The following WDFY4 variants were observed in gnomAD, a reference collection of about 807,000 sequenced individuals.
WDFY4 encodes the protein WD repeat- and FYVE domain-containing protein 4.
WDFY4 carries 169 observed loss-of-function variants against 351.9 expected under a neutral mutation model. That is an observed-to-expected ratio of 0.48 (90% CI 0.42 to 0.55). The LOEUF (loss-of-function observed/expected upper bound fraction) is 0.55, where lower values mean the gene tolerates loss of function less well. WDFY4 is among the 20% of genes least tolerant of loss of function. The probability of loss-of-function intolerance (pLI) is 0.00; values close to 1 mark genes in which losing one functional copy is unlikely to be tolerated. For synonymous variants in WDFY4, 1,622 were observed against 1,574.6 expected, an observed-to-expected ratio of 1.03 and a Z score of -0.71; for missense variants, 3,803 against 3,935.6, an observed-to-expected ratio of 0.97 and a Z score of 0.90.
At chr10:48,947,025 CCTGT>C in intron 51 of WDFY4, 56 bp downstream of exon 51, 4 of 1,303,248 alleles carry the variant, frequency 3.1e-6, no homozygotes, top group Admixed American at 2.0e-5. Context: ...CACACATACG[CCTGT>C]ATCACAAGAC....
At chr10:48,966,786 C>T in intron 55 of WDFY4, 113 bp downstream of exon 55, 5 of 1,353,620 alleles carry the variant, frequency 3.7e-6, no homozygotes, top group Non-Finnish European at 4.9e-6. Flanking sequence ...TGGGGACTGA[C>T]TTTGAATGGC....
intron 39 of WDFY4, among the ~76,000 whole-genome samples, chr10:48,839,744 G>A (rs116765032): frequency 0.011 from 1,622 of 152,346 alleles, 28 homozygotes; most frequent in African/African-American, 0.037. Context: ...TATTCAGTGG[G>A]AGGAAAAGTC....
chr10:48,755,946 A>T (rs1308685286), intron 12 of WDFY4, among the ~76,000 whole-genome samples: 2 of 151,930 alleles, frequency 1.3e-5, no homozygotes, highest in African/African-American at 2.4e-5. Flanking sequence ...CAGTTTTTTT[A>T]TACTGTGTTT....
chr10:48,719,721 C>G (rs150820087), intron 2 of WDFY4, among the ~76,000 whole-genome samples: 1 of 152,128 alleles, frequency 6.6e-6, no homozygotes, highest in African/African-American at 2.4e-5. Context: ...GGCCATCCAC[C>G]GACGCCAGAT....
chr10:48,688,765 A>G (rs2063121010), intron 1 of WDFY4, among the ~76,000 whole-genome samples: 1 of 152,192 alleles, frequency 6.6e-6, no homozygotes, highest in Non-Finnish European at 1.5e-5. Context: ...AATAGTTGAG[A>G]TAATGACAGG....
At chr10:48,834,153 G>A (rs1042790166) in intron 39 of WDFY4, among the ~76,000 whole-genome samples, 5 of 152,288 alleles carry the variant, frequency 3.3e-5, no homozygotes, top group African/African-American at 1.2e-4. Flanking sequence ...TGTTCAATAA[G>A]TTCATTGATA....
At chr10:48,695,920 T>A (rs1260892663) in intron 1 of WDFY4, among the ~76,000 whole-genome samples, 2 of 152,094 alleles carry the variant, frequency 1.3e-5, no homozygotes. Flanking sequence ...CCGTTGCTGT[T>A]GCAAAAACCA....
chr10:48,757,207 G>A (rs1207569942), intron 12 of WDFY4, among the ~76,000 whole-genome samples: 2 of 152,220 alleles, frequency 1.3e-5, no homozygotes, highest in East Asian at 1.9e-4. Context: ...GACTTTGAAG[G>A]AACAATTACT....
chr10:48,747,484 T>C (rs2065049785), intron 12 of WDFY4, among the ~76,000 whole-genome samples: 1 of 152,186 alleles, frequency 6.6e-6, no homozygotes, highest in Admixed American at 6.5e-5. Context: ...ATTAGATGTA[T>C]GTTTTACTTT....
chr10:48,871,982 C>T lies in WDFY4; in HGVS notation c.6742-1509C>T, dbSNP rs764682629. 3.3e-5 allele frequency among the ~76,000 whole-genome samples: 5 copies of T among 152,246 alleles called. No individual in the cohort carries two copies. In the South Asian group the frequency reaches 6.2e-4, roughly 19 times the overall value. ...GTCCCATTTAATCATTCTAGAAGCC[C>T]GTGATTATTATTATGGTACTATTAT... is the stretch of plus-strand genomic sequence containing the variant. On this transcript the variant is annotated intron_variant, in intron 40 of 61. Coordinates refer to ENST00000325239, the MANE Select transcript of WDFY4 (RefSeq NM_001394531.1).
intron 25 of WDFY4, among the ~76,000 whole-genome samples, chr10:48,803,626 T>C (rs1317893419): frequency 6.6e-6 from 1 of 152,058 alleles, no homozygotes; most frequent in Admixed American, 6.5e-5. Context: ...CCAGCAAAGG[T>C]CCACTCTCCC....
Position 48,774,364 on chromosome 10 carries a change from C to T in WDFY4, c.2554-94C>T, listed in dbSNP as rs112489444. On this transcript the variant is annotated intron_variant, in intron 13 of 61. Transcript: ENST00000325239. ...GTATGGTGGGCGCAGTCTCCTTGTT[C>T]CACAACTCACCCCAGGCCAAGTTGG... 296 of 1,331,500 alleles carry T rather than the reference C, an allele frequency of 2.2e-4. 4 individuals carry two copies. The African/African-American group carries it at 3.5e-3, about 16-fold the overall frequency. The allele number at this position is 1,331,500 out of a possible 1,614,324, so 82.5% of individuals were successfully genotyped here.
chr10:48,719,703 C>T (rs1440130305), intron 2 of WDFY4, among the ~76,000 whole-genome samples: 1 of 152,174 alleles, frequency 6.6e-6, no homozygotes, highest in Non-Finnish European at 1.5e-5. Context: ...GCAGCAGGCA[C>T]CTGGCAGGGC....
chr10:48,858,379 G>A (rs572013180), intron 39 of WDFY4, among the ~76,000 whole-genome samples: 1 of 152,242 alleles, frequency 6.6e-6, no homozygotes, highest in South Asian at 2.1e-4. Context: ...GGTCCATTTT[G>A]AATTAAATTT....
intron 8 of WDFY4, among the ~76,000 whole-genome samples, chr10:48,730,760 C>G (rs1246210868): frequency 6.6e-6 from 1 of 152,158 alleles, no homozygotes; most frequent in African/African-American, 2.4e-5. Context: ...TTATTTAACT[C>G]AATATATCCC....
chr10:48,714,768 A>G (rs1406492726), intron 2 of WDFY4, among the ~76,000 whole-genome samples: 1 of 152,244 alleles, frequency 6.6e-6, no homozygotes, highest in Non-Finnish European at 1.5e-5. Context: ...TCAGCAATTA[A>G]TGCAAAATCT....
intron 46 of WDFY4, among the ~76,000 whole-genome samples, chr10:48,901,037 C>T (rs1417994719): frequency 6.6e-6 from 1 of 152,146 alleles, no homozygotes; most frequent in Non-Finnish European, 1.5e-5. Flanking sequence ...CCAAGGAGCC[C>T]ATTTTGTGCT....
At chr10:48,868,726 T>C (rs937760476) in intron 40 of WDFY4, among the ~76,000 whole-genome samples, 1 of 152,222 alleles carries the variant, frequency 6.6e-6, no homozygotes, top group Non-Finnish European at 1.5e-5. Flanking sequence ...GAGGATGTGG[T>C]TTATCTAAAC....
intron 44 of WDFY4, among the ~76,000 whole-genome samples, chr10:48,897,159 C>T (rs903380708): frequency 2.6e-5 from 4 of 152,202 alleles, no homozygotes; most frequent in African/African-American, 7.2e-5. Context: ...CTGGAAACTG[C>T]GCCGTCATAT....
Sources: gnomAD v4.1 joint callset for allele counts (sites outside exome capture counted in the v4.1 genomes callset) on GRCh38, gnomAD v4.1.1 for gene constraint, MANE v1.5 for transcripts, NCBI Gene and HGNC (gene_info 2026-07-23, HGNC 2026-07-21) for gene names.